DOCK8: variants seen among roughly 807,000 people sequenced by gnomAD.
DOCK8 encodes the protein dedicator of cytokinesis protein 8.
DOCK8 carries 141 observed loss-of-function variants against 245.6 expected under a neutral mutation model. The ratio of observed to expected loss-of-function variants is 0.57; its 90% confidence interval spans 0.50 to 0.66. The LOEUF (loss-of-function observed/expected upper bound fraction) is 0.66, where lower values mean the gene tolerates loss of function less well. Among genes scored for constraint, DOCK8 ranks in the 30% least tolerant of loss-of-function variants. The probability of loss-of-function intolerance (pLI) is 0.00; values close to 1 mark genes in which losing one functional copy is unlikely to be tolerated. For synonymous variants in DOCK8, 1,168 were observed against 970.2 expected (o/e 1.20, Z -3.79); for missense variants, 2,965 against 2,603.4 (o/e 1.14, Z -3.02).
At chr9:341,599 C>G (rs772382486) in intron 14 of DOCK8, among the ~76,000 whole-genome samples, 5 of 152,190 alleles carry the variant, frequency 3.3e-5, no homozygotes, top group Non-Finnish European at 5.9e-5. Context: ...TTATGTATTT[C>G]CTATTTTTTC....
intron 2 of DOCK8, chr9:277,052 G>C (rs1035420547): frequency 8.2e-6 from 2 of 245,168 alleles, no homozygotes; most frequent in African/African-American, 4.6e-5. Context: ...TCAGTGATCT[G>C]CCTGCCTTGG....
chr9:385,086 T>C (rs2053894933), intron 22 of DOCK8, among the ~76,000 whole-genome samples: 1 of 152,204 alleles, frequency 6.6e-6, no homozygotes, highest in Admixed American at 6.5e-5. Flanking sequence ...TCCCAAAAGC[T>C]GATTGCTTAG....
intron 22 of DOCK8, 88 bp from the exon 23 acceptor site, chr9:386,243 A>C: frequency 3.5e-6 from 4 of 1,140,572 alleles, no homozygotes; most frequent in Non-Finnish European, 5.2e-6. Flanking sequence ...TATGTATAAA[A>C]AAATGAATTC....
At position 305,262 on chromosome 9, in the gene DOCK8, T is replaced by C. The variant is rs1320858601; in HGVS notation, c.528+558T>C. Among the ~76,000 whole-genome samples the C allele has an allele frequency of 3.3e-5, 5 of 152,252 alleles. 1 individual carries two copies. The East Asian group carries it at 9.6e-4, about 29-fold the overall frequency. On this transcript the variant is annotated intron_variant, in intron 5 of 47. Transcript: ENST00000432829. ...GCCTAGTCAATGCTGGTCACTGTTA[T>C]TGTTATTGTCATTATTCTTTTTCTT... is the stretch of plus-strand genomic sequence containing the variant.
intron 14 of DOCK8, among the ~76,000 whole-genome samples, chr9:349,312 CA>C (rs35870705): frequency 0.16 from 25,085 of 152,146 alleles, 2,250 homozygotes; most frequent in Non-Finnish European, 0.2. Context: ...CTAAAACTTT[CA>C]AAAAATGTGC....
rs368935198 is a variant in DOCK8, at chr9:407,099, G to A, written c.3530+30G>A. On this transcript the variant is annotated intron_variant, in intron 28 of 47. Transcript: ENST00000432829. ...GTTTCTGGCATTTAAAATGGAAGAT[G>A]AAGCCAAAAAAACAGATGTTCTTTA... 3.7e-6 allele frequency: 6 copies of A among 1,613,718 alleles called. No individual in the cohort carries two copies. In the African/African-American group the frequency reaches 6.7e-5, roughly 18 times the overall value.
At chr9:264,277 T>C (rs983429849) in intron 1 of DOCK8, among the ~76,000 whole-genome samples, 6 of 152,224 alleles carry the variant, frequency 3.9e-5, no homozygotes, top group African/African-American at 1.2e-4. Context: ...CCTTCTCTAG[T>C]CTTGCTGCTG....
intron 14 of DOCK8, among the ~76,000 whole-genome samples, chr9:354,440 C>T (rs368414672): frequency 9.9e-5 from 15 of 152,266 alleles, no homozygotes; most frequent in South Asian, 8.3e-4. Context: ...GAACACTGGA[C>T]GTATACTTTT....
chr9:390,433 C>T, intron 23 of DOCK8, 38 bp from the exon 24 acceptor site: 1 of 1,577,508 alleles, frequency 6.3e-7, no homozygotes, highest in Non-Finnish European at 8.7e-7. Context: ...TAATAATAGC[C>T]TTTGTTTCAC....
rs1305489428 is a variant in DOCK8, at chr9:446,379, C to T, written c.5590C>T (p.Gln1864Ter). The T allele has an allele frequency of 6.2e-7, 1 of 1,614,120 alleles. No homozygotes were observed. The highest frequency in any genetic ancestry group is 8.5e-7 in the Non-Finnish European group (1 of 1,179,944). The change falls in exon 44 of 48, where the codon CAG becomes TAG. Residue 1864 changes from glutamine to a stop codon, truncating the protein, a stop_gained. Transcript: ENST00000432829. LOFTEE classifies it high-confidence loss of function. ...GCCTTTTCCCCCTTAGGCCTACATA[C>T]AGATCACTTTTGTGGAGCCCTACTT... is the stretch of plus-strand genomic sequence containing the variant. ...TKLDPNKAYI[Q>*]ITFVEPYFDE... is the part of the protein sequence containing the mutation.
intron 37 of DOCK8, among the ~76,000 whole-genome samples, chr9:432,982 CTTAA>C (rs1214244290): frequency 2.0e-5 from 3 of 152,214 alleles, no homozygotes; most frequent in African/African-American, 7.2e-5. Context: ...ATGGTAGGGT[CTTAA>C]TTAAGTGAGA....
chr9:434,353 G>A (rs763464089), intron 38 of DOCK8, among the ~76,000 whole-genome samples: 10 of 152,074 alleles, frequency 6.6e-5, no homozygotes, highest in South Asian at 6.2e-4. Context: ...TTTTTTACGC[G>A]TAGTTTAAAA....
chr9:412,211 C>G (rs1350453997), intron 28 of DOCK8, among the ~76,000 whole-genome samples: 1 of 152,056 alleles, frequency 6.6e-6, no homozygotes, highest in African/African-American at 2.4e-5. Flanking sequence ...TGAGAACACC[C>G]TGAGCAACAT....
At chr9:449,297 C>T (rs1017457260) in intron 44 of DOCK8, among the ~76,000 whole-genome samples, 1 of 152,088 alleles carries the variant, frequency 6.6e-6, no homozygotes, top group African/African-American at 2.4e-5. Flanking sequence ...TTGCAGTGAG[C>T]CAAGATCATG....
At chr9:295,021 G>A (rs1327124158) in intron 4 of DOCK8, among the ~76,000 whole-genome samples, 1 of 152,078 alleles carries the variant, frequency 6.6e-6, no homozygotes, top group Non-Finnish European at 1.5e-5. Context: ...TTAGCTGGGC[G>A]TGGTGGCACG....
At chr9:398,554 A>G (rs1586900481) in intron 25 of DOCK8, among the ~76,000 whole-genome samples, 2 of 152,228 alleles carry the variant, frequency 1.3e-5, no homozygotes, top group South Asian at 2.1e-4. Context: ...CAAATTAAAA[A>G]TTTTAAAAAT....
At chr9:230,231 A>C (rs1376217402) in intron 1 of DOCK8, among the ~76,000 whole-genome samples, 2 of 152,080 alleles carry the variant, frequency 1.3e-5, no homozygotes, top group African/African-American at 4.8e-5. Context: ...AAAGGACACA[A>C]ACTCATCATC....
At chr9:348,172 C>G (rs537897482) in intron 14 of DOCK8, among the ~76,000 whole-genome samples, 1 of 152,220 alleles carries the variant, frequency 6.6e-6, no homozygotes, top group African/African-American at 2.4e-5. Flanking sequence ...GGAGGGGGAC[C>G]AAGAGATGCA....
chr9:298,845 G>A (rs1417277352), intron 4 of DOCK8, among the ~76,000 whole-genome samples: 1 of 150,276 alleles, frequency 6.7e-6, no homozygotes, highest in Non-Finnish European at 1.5e-5. Flanking sequence ...AAACCTTCGT[G>A]TCATGTCATA....
Sources: allele counts gnomAD v4.1 joint callset (sites outside exome capture counted in the v4.1 genomes callset), GRCh38; gene constraint gnomAD v4.1.1; transcripts MANE v1.5; gene names NCBI Gene and HGNC (gene_info 2026-07-23, HGNC 2026-07-21).